TRIML1: variants seen among roughly 807,000 people sequenced by gnomAD.
TRIML1 encodes probable E3 ubiquitin-protein ligase TRIML1.
In TRIML1, 34 loss-of-function variants were observed where a neutral mutation model predicts 32.3. The observed-to-expected ratio is 1.05, with a 90% confidence interval of 0.80 to 1.40. The LOEUF (loss-of-function observed/expected upper bound fraction) is 1.40, where lower values mean the gene tolerates loss of function less well. TRIML1 is among the 40% of genes most tolerant of loss of function. TRIML1 has a pLI of 0.00. For synonymous variants in TRIML1, 244 were observed against 226.6 expected, an observed-to-expected ratio of 1.08 and a Z score of -0.69; for missense variants, 595 against 574.9, an observed-to-expected ratio of 1.03 and a Z score of -0.36.
chr4:188,140,676 A>G (rs1734820784), intron 2 of TRIML1, 53 bp downstream of exon 2: 1 of 1,279,662 alleles, frequency 7.8e-7, no homozygotes, highest in Non-Finnish European at 1.1e-6. Context: ...AAGGGGGACT[A>G]AAGGGAAATT....
At chr4:188,142,129 A>AAAG (rs1734878258) in intron 2 of TRIML1, 123 bp from the exon 3 acceptor site, 1 of 673,542 alleles carries the variant, frequency 1.5e-6, no homozygotes, top group South Asian at 2.2e-5. Context: ...AAAAAAAAAA[A>AAAG]AAAGAAAGAA....
chr4:188,150,377 C>T (rs1032775321), downstream of TRIML1, among the ~76,000 whole-genome samples: 1 of 152,110 alleles, frequency 6.6e-6, no homozygotes, highest in South Asian at 2.1e-4. Flanking sequence ...GATCCACCCG[C>T]CTCAGCCTCC....
downstream of TRIML1, among the ~76,000 whole-genome samples, chr4:188,150,214 C>T (rs575345188): frequency 6.6e-6 from 1 of 151,752 alleles, no homozygotes; most frequent in Non-Finnish European, 1.5e-5. Flanking sequence ...CAGCCTCCTC[C>T]CCACAGGGTT....
downstream of TRIML1, among the ~76,000 whole-genome samples, chr4:188,150,600 G>A (rs745427807): frequency 6.6e-6 from 1 of 152,046 alleles, no homozygotes; most frequent in Non-Finnish European, 1.5e-5. Context: ...TACTTTGTGG[G>A]CATTACATCT....
In TRIML1 at chr4:188,141,165, G is replaced by GTTTTTTTTTTTTTTTTT. The variant is rs58714915; in HGVS notation, c.504+545_504+561dup. Among the ~76,000 whole-genome samples the GTTTTTTTTTTTTTTTTT allele has an allele frequency of 4.5e-4, 53 of 118,814 alleles. 4 individuals carry two copies. Among genetic ancestry groups the GTTTTTTTTTTTTTTTTT allele is most frequent in the Middle Eastern group, 4.7e-3 (1 of 212 alleles). The allele number at this position is 118,814 out of a possible 152,430, so 77.9% of individuals were successfully genotyped here. On this transcript the variant is annotated intron_variant, in intron 2 of 5. Coordinates refer to ENST00000332517, the MANE Select transcript of TRIML1 (RefSeq NM_178556.5). ...ATTCTCCCAATAGACTTTGAAATCTGTTTTTTTTTTTTTTTTTTTGGAGAT... is the reference window on the plus strand; with the variant it reads ...ATTCTCCCAATAGACTTTGAAATCTGTTTTTTTTTTTTTTTTTTTTTTTTTTTTTTTTTTTTGGAGAT...
At chr4:188,144,482 C>T (rs1299744772) in intron 5 of TRIML1, among the ~76,000 whole-genome samples, 21 of 145,866 alleles carry the variant, frequency 1.4e-4, no homozygotes, top group South Asian at 4.7e-4. Flanking sequence ...CCTGCCTCAG[C>T]CTCCCGAGTA....
In TRIML1 at chr4:188,139,798, G is replaced by C; in HGVS notation, c.240G>C (p.Gln80His). The C allele has an allele frequency of 6.2e-7, 1 of 1,613,956 alleles. No homozygotes were observed. Among genetic ancestry groups the C allele is most frequent in the Non-Finnish European group, 8.5e-7 (1 of 1,180,024 alleles). Residue 80 changes from glutamine (Q) to histidine (H), a missense_variant, in exon 1 of 6, where the codon CAG becomes CAC. Gln to His is a conservative substitution (Grantham distance 24, BLOSUM62 0). Transcript: ENST00000332517. ...GGAGGCTGGCCAGCATCGCCAGGCA[G>C]CTCCGGTCCCAGGTGCTGCAGAGCG... Reference protein sequence around the residue: ...RLGRLASIARQLRSQVLQSED... With the variant: ...RLGRLASIARHLRSQVLQSED...
downstream of TRIML1, among the ~76,000 whole-genome samples, chr4:188,150,492 T>C (rs1222194547): frequency 6.6e-6 from 1 of 152,176 alleles, no homozygotes; most frequent in Non-Finnish European, 1.5e-5. Flanking sequence ...AACAAAATGA[T>C]AAAAAGCAAA....
intron 5 of TRIML1, 100 bp downstream of exon 5, chr4:188,144,233 G>T: frequency 9.2e-7 from 1 of 1,081,290 alleles, no homozygotes; most frequent in South Asian, 1.5e-5. Context: ...CGAGGCTCCT[G>T]GTTAAGGAAT....
downstream of TRIML1, among the ~76,000 whole-genome samples, chr4:188,149,493 G>A (rs992377160): frequency 1.1e-5 from 1 of 90,394 alleles, no homozygotes; most frequent in Non-Finnish European, 2.7e-5. Context: ...TTAAAAAGAG[G>A]TCTGTGAAAT....
Position 188,140,899 on chromosome 4 carries a change from G to A in TRIML1, c.504+276G>A, listed in dbSNP as rs547591195. On this transcript the variant is annotated intron_variant, in intron 2 of 5. Transcript: ENST00000332517. ...TCTGGTAGAATTATTTAAAACACAA[G>A]TGATACTTATAGACATGTAACATGA... 2.4e-4 allele frequency: 66 copies of A among 279,526 alleles called. No individual in the cohort carries two copies. The Middle Eastern group carries it at 4.4e-3, about 19-fold the overall frequency. The allele number at this position is 279,526 out of a possible 1,614,324, so 17.3% of individuals were successfully genotyped here.
intron 5 of TRIML1, 81 bp downstream of exon 5, chr4:188,144,214 G>A: frequency 2.5e-6 from 3 of 1,219,976 alleles, no homozygotes; most frequent in South Asian, 1.4e-5. Context: ...AGACATTCAC[G>A]ATCTGACACG....
intron 1 of TRIML1, 150 bp downstream of exon 1, chr4:188,140,116 T>A: frequency 1.3e-6 from 1 of 757,124 alleles, no homozygotes; most frequent in Non-Finnish European, 2.0e-6. Context: ...GTTTACACCC[T>A]TTTTTTTCCC....
downstream of TRIML1, among the ~76,000 whole-genome samples, chr4:188,150,731 C>A (rs867716689): frequency 6.6e-6 from 1 of 151,572 alleles, no homozygotes; most frequent in East Asian, 2.0e-4. Context: ...TGGCTCTTTG[C>A]TGCACCATTG....
At chr4:188,137,356 G>A (rs6553159), upstream of TRIML1, among the ~76,000 whole-genome samples, 75,452 of 142,124 alleles carry the variant, frequency 0.53, 23,363 homozygotes, top group Non-Finnish European at 0.7. Context: ...AAGCTGGAGT[G>A]CAGTGGTGGG....
downstream of TRIML1, among the ~76,000 whole-genome samples, chr4:188,149,927 C>T (rs1027369865): frequency 4.0e-5 from 6 of 151,442 alleles, no homozygotes; most frequent in Middle Eastern, 3.5e-3. Flanking sequence ...CTCAGCCTCC[C>T]GAGTAGCTGG....
intron 3 of TRIML1, 21 bp from the exon 4 acceptor site, chr4:188,143,817 T>C (rs139303406): frequency 8.1e-6 from 13 of 1,614,058 alleles, no homozygotes; most frequent in African/African-American, 8.0e-5. Context: ...CCATGCTAAC[T>C]TCTTTCTTTT....
Position 188,139,831 on chromosome 4 carries a change from G to A in TRIML1, c.273G>A (p.Glu91=), listed in dbSNP as rs745555450. 3 of 1,613,794 alleles carry A rather than the reference G, an allele frequency of 1.9e-6. No individual in the cohort carries two copies. Among genetic ancestry groups the A allele is most frequent in the African/African-American group, 2.7e-5 (2 of 74,930 alleles). ...LRSQVLQSED[E]QGSYGRMPTT... is the part of the protein sequence containing the mutation. ...CCCAGGTGCTGCAGAGCGAGGATGA[G>A]CAGGGCAGCTACGGGAGGATGCCCA... is the stretch of plus-strand genomic sequence containing the variant. Residue 91 remains glutamate, a synonymous_variant, in exon 1 of 6, where the codon GAG becomes GAA. Coordinates refer to ENST00000332517, the MANE Select transcript of TRIML1 (RefSeq NM_178556.5).
At chr4:188,144,219 G>A in intron 5 of TRIML1, 86 bp downstream of exon 5, 1 of 1,191,654 alleles carries the variant, frequency 8.4e-7, no homozygotes, top group Non-Finnish European at 1.2e-6. Flanking sequence ...TTCACGATCT[G>A]ACACGAGGCT....
Sources: gnomAD v4.1 joint callset for allele counts (sites outside exome capture counted in the v4.1 genomes callset) on GRCh38, gnomAD v4.1.1 for gene constraint, MANE v1.5 for transcripts, NCBI Gene and HGNC (gene_info 2026-07-23, HGNC 2026-07-21) for gene names.